CADM2: variants seen among roughly 807,000 people sequenced by gnomAD.
CADM2 encodes the protein cell adhesion molecule 2, also known as immunoglobulin superfamily member 4D.
Under a neutral mutation model 49.8 loss-of-function variants are expected in CADM2, and 12 were observed. The observed-to-expected ratio is 0.24, with a 90% CI of 0.15 to 0.39. The LOEUF (loss-of-function observed/expected upper bound fraction) is 0.39, where lower values mean the gene tolerates loss of function less well. Among genes scored for constraint, CADM2 ranks in the 10% least tolerant of loss-of-function variants. CADM2 has a pLI of 1.00. For synonymous variants in CADM2, 214 were observed against 175.4 expected (o/e 1.22, Z -1.74); for missense variants, 378 against 492.3 (o/e 0.77, Z 2.20).
intron 1 of CADM2, among the ~76,000 whole-genome samples, chr3:85,467,334 C>T (rs1481591072): frequency 2.0e-5 from 3 of 151,972 alleles, no homozygotes; most frequent in African/African-American, 7.2e-5. Context: ...TCATTTATTA[C>T]CTATTAAAAT....
At chr3:85,203,087 A>T (rs1406302946) in intron 1 of CADM2, among the ~76,000 whole-genome samples, 1 of 152,136 alleles carries the variant, frequency 6.6e-6, no homozygotes, top group Non-Finnish European at 1.5e-5. Flanking sequence ...AGCTTCTTGC[A>T]GACCACTCAA....
chr3:85,354,618 C>CAGAGAG (rs139421347), intron 1 of CADM2, among the ~76,000 whole-genome samples: 17,000 of 130,138 alleles, frequency 0.13, 1,199 homozygotes, highest in Non-Finnish European at 0.16. Flanking sequence ...GAATACCTAA[C>CAGAGAG]AGAGAGAGAG....
intron 1 of CADM2, among the ~76,000 whole-genome samples, chr3:85,652,876 C>T (rs564843624): frequency 1.4e-5 from 2 of 143,434 alleles, no homozygotes; most frequent in East Asian, 4.3e-4. Flanking sequence ...CTCCCGGGTT[C>T]AAGTGATTCT....
At chr3:85,220,054 A>G (rs1051535474) in intron 1 of CADM2, among the ~76,000 whole-genome samples, 5 of 152,140 alleles carry the variant, frequency 3.3e-5, no homozygotes, top group Non-Finnish European at 7.4e-5. Context: ...ATTTTGATTA[A>G]TGGGTTTTTA....
At chr3:85,959,417 C>A (rs1724538908) in intron 7 of CADM2, among the ~76,000 whole-genome samples, 1 of 151,848 alleles carries the variant, frequency 6.6e-6, no homozygotes, top group African/African-American at 2.4e-5. Flanking sequence ...CACCTCAGCT[C>A]CCTGGAGGTT....
chr3:85,226,059 TTTG>T (rs374553929), intron 1 of CADM2, among the ~76,000 whole-genome samples: 14 of 152,172 alleles, frequency 9.2e-5, no homozygotes, highest in African/African-American at 2.9e-4. Context: ...GGCCTAAAAT[TTTG>T]TTGTTGTTGT....
chr3:85,735,399 T>C (rs1300657538), intron 2 of CADM2, among the ~76,000 whole-genome samples: 1 of 152,036 alleles, frequency 6.6e-6, no homozygotes, highest in Non-Finnish European at 1.5e-5. Context: ...CCTGTAAGAA[T>C]AGAAAAGCAT....
intron 1 of CADM2, among the ~76,000 whole-genome samples, chr3:85,718,443 G>C (rs533754339): frequency 4.6e-5 from 7 of 152,226 alleles, no homozygotes; most frequent in African/African-American, 1.7e-4. Context: ...ACTTTTAGAG[G>C]CATGAGTTTA....
At chr3:86,009,652 T>A (rs1731245498) in intron 8 of CADM2, among the ~76,000 whole-genome samples, 1 of 151,930 alleles carries the variant, frequency 6.6e-6, no homozygotes, top group African/African-American at 2.4e-5. Context: ...TCTCAAAACA[T>A]AAAAGCTTCT....
chr3:85,945,680 C>T (rs552267209), intron 7 of CADM2, among the ~76,000 whole-genome samples: 74 of 152,222 alleles, frequency 4.9e-4, no homozygotes, highest in Middle Eastern at 6.8e-3. Context: ...ACAAAAACCA[C>T]GTGATTATCT....
chr3:85,223,917 G>A (rs1482724547), intron 1 of CADM2, among the ~76,000 whole-genome samples: 1 of 152,058 alleles, frequency 6.6e-6, no homozygotes, highest in Non-Finnish European at 1.5e-5. Flanking sequence ...CCATGTCCCT[G>A]CAAAGGACAT....
rs752550127 is a variant in CADM2 at position 85,897,241 on chromosome 3, C to CTTTTTTTTTTTTT, written c.529+10941_529+10953dup. Among the ~76,000 whole-genome samples, 22 of 45,926 alleles carry CTTTTTTTTTTTTT rather than the reference C, an allele frequency of 4.8e-4. 5 individuals carry two copies. Among genetic ancestry groups the CTTTTTTTTTTTTT allele is most frequent in the African/African-American group, 1.3e-3 (19 of 14,948 alleles). 30.1% of individuals were successfully genotyped at this position (45,926 alleles called of 152,430 possible). On this transcript the variant is annotated intron_variant, in intron 5 of 9. Coordinates refer to ENST00000383699, the MANE Select transcript of CADM2 (RefSeq NM_001167675.2). ...CAACAATAATTGCTTTAACCTACAT[C>CTTTTTTTTTTTTT]TTTTTTTTTTTTTTTTTTTTTTTTT...
At chr3:85,978,638 TTTTG>T (rs986046611) in intron 8 of CADM2, among the ~76,000 whole-genome samples, 5 of 151,796 alleles carry the variant, frequency 3.3e-5, no homozygotes, top group South Asian at 2.1e-4. Flanking sequence ...AATTGGCTTC[TTTTG>T]TTTGTTTGTT....
chr3:85,702,692 C>T (rs960213321), intron 1 of CADM2, among the ~76,000 whole-genome samples: 2 of 151,838 alleles, frequency 1.3e-5, no homozygotes, highest in African/African-American at 4.8e-5. Flanking sequence ...CATGAATTTT[C>T]CAAAAATCAG....
At chr3:85,732,748 C>T (rs2107800117) in intron 2 of CADM2, among the ~76,000 whole-genome samples, 1 of 152,254 alleles carries the variant, frequency 6.6e-6, no homozygotes, top group African/African-American at 2.4e-5. Flanking sequence ...ACAAAACCCT[C>T]TGAGATAGGT....
At chr3:85,030,828 C>T (rs1272415107) in intron 1 of CADM2, among the ~76,000 whole-genome samples, 1 of 152,176 alleles carries the variant, frequency 6.6e-6, no homozygotes, top group Non-Finnish European at 1.5e-5. Flanking sequence ...CCCTGAGAAA[C>T]TCCTACCCTA....
At chr3:85,911,135 C>T (rs1717529106) in intron 5 of CADM2, among the ~76,000 whole-genome samples, 2 of 151,954 alleles carry the variant, frequency 1.3e-5, no homozygotes, top group Non-Finnish European at 2.9e-5. Context: ...TTATTTGATA[C>T]TGAATGATGT....
chr3:85,330,690 C>T (rs1027438099), intron 1 of CADM2, among the ~76,000 whole-genome samples: 5 of 151,618 alleles, frequency 3.3e-5, no homozygotes, highest in Admixed American at 3.3e-4. Flanking sequence ...GGGGCAGTGG[C>T]TCATGCCTAT....
At chr3:85,097,481 G>A (rs534727760) in intron 1 of CADM2, among the ~76,000 whole-genome samples, 2 of 152,286 alleles carry the variant, frequency 1.3e-5, no homozygotes, top group African/African-American at 2.4e-5. Flanking sequence ...TGTCTTTATA[G>A]CAGCATGATT....
Sources: allele counts gnomAD v4.1 joint callset (sites outside exome capture counted in the v4.1 genomes callset), GRCh38; gene constraint gnomAD v4.1.1; transcripts MANE v1.5; gene names NCBI Gene and HGNC (gene_info 2026-07-23, HGNC 2026-07-21).